Variants in HDX observed in about 807,000 individuals in gnomAD.
The protein encoded by HDX is highly divergent homeobox, also known as chromosome X open reading frame 43.
Under a neutral mutation model 45.2 loss-of-function variants are expected in HDX, and 19 were observed. The observed-to-expected ratio is 0.42, with a 90% CI of 0.29 to 0.62. The LOEUF (loss-of-function observed/expected upper bound fraction) is 0.62. Among genes scored for constraint, HDX ranks in the 20% least tolerant of loss-of-function variants. The pLI is 0.20. For synonymous variants in HDX, 188 were observed against 172.8 expected, an observed-to-expected ratio of 1.09 and a Z score of -0.69; for missense variants, 532 against 493.9, an observed-to-expected ratio of 1.08 and a Z score of -0.73.
chrX:84,442,209 G>A (rs1035044269), intron 4 of HDX, among the ~76,000 whole-genome samples: 12 of 111,441 alleles, frequency 1.1e-4, no homozygotes, highest in Non-Finnish European at 2.1e-4. Context: ...ATTGAAGTGA[G>A]AACAAGGCAT....
intron 7 of HDX, among the ~76,000 whole-genome samples, chrX:84,338,034 C>T (rs997329526): frequency 1.8e-5 from 2 of 111,266 alleles, no homozygotes; most frequent in African/African-American, 3.3e-5. Context: ...AGTAGAATTT[C>T]GCGATCTCAT....
intron 5 of HDX, among the ~76,000 whole-genome samples, chrX:84,363,969 A>G (rs754886832): frequency 8.1e-5 from 9 of 111,689 alleles, no homozygotes; most frequent in Non-Finnish European, 1.3e-4. Context: ...TTAGCCAGGT[A>G]ACCAGATAAC....
Position 84,469,169 on chromosome X carries a change from G to A in HDX, c.554C>T (p.Ala185Val). Residue 185 changes from alanine to valine, a missense_variant, in exon 4 of 11, where the codon GCT becomes GTT. Around this residue, in one of 3 missense-constraint regions of HDX, gnomAD observed 376 missense variants for 343.7 expected, o/e 1.09. Transcript: ENST00000373177. The stretch of plus-strand genomic sequence containing the variant: ...TGCGTGATTGAATACTGAGTTTCCA[G>A]CATTTAGCACACTTGTCTGTCTTGA... ...ILSRQTSVLN[A>V]GNSVFNHAKK... 1.7e-6 allele frequency: 2 copies of A among 1,209,925 alleles called. No homozygotes were observed. Among genetic ancestry groups the A allele is most frequent in the Non-Finnish European group, 2.2e-6 (2 of 894,425 alleles).
At chrX:84,432,916 A>T (rs1240465030) in intron 5 of HDX, among the ~76,000 whole-genome samples, 7 of 111,226 alleles carry the variant, frequency 6.3e-5, no homozygotes, top group Non-Finnish European at 1.3e-4. Context: ...TTCAAGGGGA[A>T]TGCTTCCAGC....
At chrX:84,406,594 G>C (rs1240124031) in intron 5 of HDX, among the ~76,000 whole-genome samples, 1 of 108,647 alleles carries the variant, frequency 9.2e-6, no homozygotes, top group Non-Finnish European at 1.9e-5. Flanking sequence ...TATATATCCA[G>C]ACACAGGTAT....
chrX:84,476,333 G>GA (rs976025119), intron 2 of HDX, among the ~76,000 whole-genome samples: 1 of 110,150 alleles, frequency 9.1e-6, no homozygotes, highest in Non-Finnish European at 1.9e-5. Context: ...AAAGTTGACA[G>GA]AAAAAAATAC....
intron 9 of HDX, among the ~76,000 whole-genome samples, chrX:84,332,248 A>G (rs919098097): frequency 2.7e-5 from 3 of 111,288 alleles, no homozygotes; most frequent in Non-Finnish European, 5.7e-5. Flanking sequence ...ATAAGTGCTG[A>G]ATTTTGAGGA....
intron 5 of HDX, among the ~76,000 whole-genome samples, chrX:84,432,487 T>G (rs1466087182): frequency 8.9e-6 from 1 of 111,892 alleles, no homozygotes; most frequent in Non-Finnish European, 1.9e-5. Flanking sequence ...TCCATTTATT[T>G]GTGTCATCTT....
At chrX:84,417,218 G>GGAAAGAAAGAAAGAA (rs2039129663) in intron 5 of HDX, among the ~76,000 whole-genome samples, 1 of 100,251 alleles carries the variant, frequency 1.0e-5, no homozygotes, top group African/African-American at 3.7e-5. Context: ...AAAAAAAAGA[G>GGAAAGAAAGAAAGAA]AGAAAGAAAG....
At chrX:84,373,490 T>G (rs1054569876) in intron 5 of HDX, among the ~76,000 whole-genome samples, 7 of 110,977 alleles carry the variant, frequency 6.3e-5, no homozygotes, top group East Asian at 2.9e-4. Context: ...CCTTGATGAA[T>G]ATTGATGCAA....
intron 3 of HDX, among the ~76,000 whole-genome samples, chrX:84,473,302 A>G (rs1158907251): frequency 2.2e-5 from 2 of 89,206 alleles, no homozygotes; most frequent in Non-Finnish European, 4.2e-5. Flanking sequence ...GTAAAAATAA[A>G]GAAAGAGCTC....
chrX:84,389,436 T>TG (rs1252571435), intron 5 of HDX, among the ~76,000 whole-genome samples: 8 of 111,098 alleles, frequency 7.2e-5, no homozygotes, highest in Admixed American at 9.6e-5. Flanking sequence ...GCTCTCAGGT[T>TG]GGGGGCTCCT....
At chrX:84,343,908 C>T (rs2147799512) in intron 7 of HDX, among the ~76,000 whole-genome samples, 1 of 110,765 alleles carries the variant, frequency 9.0e-6, no homozygotes, top group Non-Finnish European at 1.9e-5. Context: ...TGGTATTTGT[C>T]GCATTATGCC....
intron 6 of HDX, among the ~76,000 whole-genome samples, chrX:84,348,629 A>C (rs2037260480): frequency 9.0e-6 from 1 of 111,731 alleles, no homozygotes; most frequent in Non-Finnish European, 1.9e-5. Context: ...TTGGCGATGT[A>C]GTGTTCAGGT....
chrX:84,345,561 A>G (rs1569285226), intron 6 of HDX, among the ~76,000 whole-genome samples: 2 of 111,698 alleles, frequency 1.8e-5, no homozygotes, highest in Non-Finnish European at 3.8e-5. Flanking sequence ...ATTGTTTCAG[A>G]TGTTTTGCTT....
At chrX:84,426,873 A>G (rs977171202) in intron 5 of HDX, among the ~76,000 whole-genome samples, 7 of 110,884 alleles carry the variant, frequency 6.3e-5, no homozygotes, top group South Asian at 3.8e-4. Context: ...TAATCATTTC[A>G]TTATGTATAT....
At chrX:84,499,999 T>C (rs1405923136) in intron 1 of HDX, 1 of 112,188 alleles carries the variant, frequency 8.9e-6, no homozygotes, top group Non-Finnish European at 1.9e-5. Context: ...AGATACATGA[T>C]ACAATGTCAC....
At chrX:84,422,282 C>T in intron 5 of HDX, among the ~76,000 whole-genome samples, 1 of 111,491 alleles carries the variant, frequency 9.0e-6, no homozygotes, top group Non-Finnish European at 1.9e-5. Context: ...ACATGTTGGT[C>T]AATGAAGAAA....
chrX:84,349,875 C>T (rs1388407435), intron 6 of HDX, among the ~76,000 whole-genome samples: 5 of 109,267 alleles, frequency 4.6e-5, no homozygotes, highest in African/African-American at 1.0e-4. Context: ...GTATTCATGG[C>T]AATAGAGAGT....
Sources: gnomAD v4.1 joint callset for allele counts (sites outside exome capture counted in the v4.1 genomes callset) on GRCh38, gnomAD v4.1.1 for gene constraint, gnomAD v4.1.1 regional missense constraint, MANE v1.5 for transcripts, NCBI Gene and HGNC (gene_info 2026-07-23, HGNC 2026-07-21) for gene names.